Variants in SLC30A7 observed in about 807,000 individuals in gnomAD.
SLC30A7 encodes zinc transporter 7.
A neutral mutation model predicts 46.0 loss-of-function variants in SLC30A7; 35 were observed. The ratio of observed to expected loss-of-function variants is 0.76; its 90% CI spans 0.58 to 1.01. SLC30A7 has a LOEUF of 1.01. Ranked by LOEUF, SLC30A7 falls within the 50% of genes least tolerant of loss-of-function variation. The pLI is 0.00. For missense variants in SLC30A7, 464 were observed against 451.1 expected (o/e 1.03, Z -0.26); for synonymous variants, 147 against 157.8 (o/e 0.93, Z 0.51).
At chr1:100,940,991 G>T in intron 8 of SLC30A7, 1 of 366,592 alleles carries the variant, frequency 2.7e-6, no homozygotes, top group South Asian at 2.2e-5. Context: ...CTTCTCTCCT[G>T]CTAAACTTTA....
chr1:100,898,267 T>TG (rs1651097905), intron 2 of SLC30A7, among the ~76,000 whole-genome samples: 4 of 152,214 alleles, frequency 2.6e-5, no homozygotes, highest in Admixed American at 2.6e-4. Context: ...GATTCACACT[T>TG]GAAGTTCCTA....
In SLC30A7 at chr1:100,935,009, G is replaced by GA. The variant is rs899975103; in HGVS notation, c.842+13177dup. Among the ~76,000 whole-genome samples the GA allele has an allele frequency of 2.0e-5, 3 of 150,844 alleles. No homozygotes were observed. In the East Asian group the frequency reaches 5.8e-4, roughly 29 times the overall value. ...AGACCAAGACTCTGTCCCACAAAAA[G>GA]AAAAAAAAATTCAGTGCCATGATTT... On this transcript the variant is annotated intron_variant, in intron 8 of 10. Coordinates refer to ENST00000357650, the MANE Select transcript of SLC30A7 (RefSeq NM_133496.5).
At chr1:100,987,587 T>C in the SLC30A7 span, among the ~76,000 whole-genome samples, 1 of 152,022 alleles carries the variant, frequency 6.6e-6, no homozygotes, top group Non-Finnish European at 1.5e-5. Context: ...AACATAGTTC[T>C]AAAAACTGCT....
At chr1:100,995,143 T>C in the SLC30A7 span, 17 of 1,574,534 alleles carry the variant, frequency 1.1e-5, 1 homozygote, top group Admixed American at 2.5e-4. Flanking sequence ...CTCCTTTACT[T>C]TGATGTCTGT....
intron 8 of SLC30A7, among the ~76,000 whole-genome samples, chr1:100,951,612 G>T (rs1654957308): frequency 6.6e-6 from 1 of 152,168 alleles, no homozygotes; most frequent in South Asian, 2.1e-4. Context: ...CAGGCTCGTG[G>T]TAACTGCTGT....
chr1:100,941,728 T>C (rs774699304), intron 8 of SLC30A7: 13 of 640,752 alleles, frequency 2.0e-5, no homozygotes, highest in Admixed American at 1.1e-4. Flanking sequence ...ATCCACCTTG[T>C]GTAGCTTTGC....
At chr1:100,995,042 T>G in the SLC30A7 span, 1 of 1,130,036 alleles carries the variant, frequency 8.8e-7, no homozygotes, top group East Asian at 2.4e-5. Context: ...TCAGGTCATT[T>G]AAGTAGAATG....
intron 10 of SLC30A7, 23 bp from the exon 11 acceptor site, chr1:100,974,787 C>CTTTTTTTTT: frequency 6.9e-7 from 1 of 1,455,876 alleles, no homozygotes; most frequent in African/African-American, 1.4e-5. Context: ...GATTTTCTAA[C>CTTTTTTTTT]TTTTTTTTTT....
At position 100,920,221 on chromosome 1, in the gene SLC30A7, A is replaced by T. The variant is rs116137315; in HGVS notation, c.707-1485A>T. Among the ~76,000 whole-genome samples, 1,351 of 152,108 alleles carry T rather than the reference A, an allele frequency of 8.9e-3. 31 individuals carry two copies. The highest frequency in any genetic ancestry group is 0.031 in the African/African-American group (1,303 of 41,550). ...TTATTTTCATTTTTTATTCTACCAA[A>T]ACACTGATTAAAGAATATAAAGGCT... On this transcript the variant is annotated intron_variant, in intron 7 of 10. Transcript: ENST00000357650.
chr1:100,938,250 A>G (rs1484577253), intron 8 of SLC30A7, among the ~76,000 whole-genome samples: 4 of 152,148 alleles, frequency 2.6e-5, no homozygotes, highest in Admixed American at 6.5e-5. Flanking sequence ...AGATTTTTCT[A>G]TTTCTAGAAA....
At chr1:100,909,250 A>G (rs1407182175) in intron 3 of SLC30A7, among the ~76,000 whole-genome samples, 1 of 152,144 alleles carries the variant, frequency 6.6e-6, no homozygotes, top group Non-Finnish European at 1.5e-5. Context: ...CCAATTCAGG[A>G]TGACTGCTGT....
intron 8 of SLC30A7, among the ~76,000 whole-genome samples, chr1:100,924,052 C>T (rs1653124330): frequency 6.6e-6 from 1 of 152,166 alleles, no homozygotes. Flanking sequence ...TTATGTCTTA[C>T]CTGGAAAACT....
At chr1:100,918,010 A>G (rs1570527865) in intron 6 of SLC30A7, 67 bp from the exon 7 acceptor site, 8 of 1,286,424 alleles carry the variant, frequency 6.2e-6, no homozygotes, top group Non-Finnish European at 2.2e-6. Context: ...AATGAAAAGG[A>G]CTCTGAATTG....
chr1:100,938,868 A>G (rs944763406), intron 8 of SLC30A7, among the ~76,000 whole-genome samples: 1 of 152,216 alleles, frequency 6.6e-6, no homozygotes, highest in African/African-American at 2.4e-5. Flanking sequence ...TATTTTAGAT[A>G]GAAGGGGTAC....
chr1:100,944,285 C>T (rs1654505714), intron 8 of SLC30A7, among the ~76,000 whole-genome samples: 1 of 152,098 alleles, frequency 6.6e-6, no homozygotes. Context: ...AGAAATCCAC[C>T]CTCCTCAGTC....
rs1262094428 is a variant in SLC30A7 at position 100,937,924 on chromosome 1, G to A, written c.842+16083G>A. ...AGTTAATTTTTATATATGGTGTGAG[G>A]TAAGGGTCCAGCTTCCTTCTTTTGC... is the stretch of plus-strand genomic sequence containing the variant. On this transcript the variant is annotated intron_variant, in intron 8 of 10. Coordinates refer to ENST00000357650, the MANE Select transcript of SLC30A7 (RefSeq NM_133496.5). 2.0e-5 allele frequency among the ~76,000 whole-genome samples: 3 copies of A among 152,240 alleles called. No homozygotes were observed. In the South Asian group the frequency reaches 6.2e-4, roughly 32 times the overall value.
chr1:100,970,347 C>T (rs2101098055), intron 10 of SLC30A7, among the ~76,000 whole-genome samples: 1 of 152,172 alleles, frequency 6.6e-6, no homozygotes, highest in South Asian at 2.1e-4. Context: ...TTATAACTTT[C>T]TATTTGGTTA....
At chr1:100,952,271 CT>C (rs1654997592) in intron 8 of SLC30A7, among the ~76,000 whole-genome samples, 1 of 152,188 alleles carries the variant, frequency 6.6e-6, no homozygotes, top group South Asian at 2.1e-4. Context: ...GCTGTTTTAA[CT>C]TTTTAGCTGT....
chr1:100,986,737 A>G (rs991075550), downstream of SLC30A7, among the ~76,000 whole-genome samples: 5 of 152,236 alleles, frequency 3.3e-5, no homozygotes, highest in Non-Finnish European at 7.3e-5. Flanking sequence ...GTCTATCCAT[A>G]TGAGAGAACA....
Sources: gnomAD v4.1 joint callset for allele counts (sites outside exome capture counted in the v4.1 genomes callset) on GRCh38, gnomAD v4.1.1 for gene constraint, MANE v1.5 for transcripts, NCBI Gene and HGNC (gene_info 2026-07-23, HGNC 2026-07-21) for gene names.